CCSER1: variants seen among roughly 807,000 people sequenced by gnomAD.
CCSER1 encodes coiled-coil serine rich protein 1, also known as serine-rich coiled-coil domain-containing protein 1.
CCSER1 carries 41 observed loss-of-function variants against 82.0 expected under a neutral mutation model. The ratio of observed to expected loss-of-function variants is 0.50; its 90% CI spans 0.39 to 0.65. The LOEUF (loss-of-function observed/expected upper bound fraction) is 0.65, where lower values mean the gene tolerates loss of function less well. Among genes scored for constraint, CCSER1 ranks in the 30% least tolerant of loss-of-function variants. The pLI, the probability that CCSER1 is intolerant of heterozygous loss-of-function variation, is 0.00. For missense variants in CCSER1, 1,119 were observed against 1,064.2 expected, an observed-to-expected ratio of 1.05 and a Z score of -0.72; for synonymous variants, 414 against 383.9, an observed-to-expected ratio of 1.08 and a Z score of -0.92.
chr4:90,934,150 C>T (rs913358593), intron 9 of CCSER1, among the ~76,000 whole-genome samples: 14 of 151,840 alleles, frequency 9.2e-5, no homozygotes, highest in South Asian at 2.1e-4. Context: ...CAATAGGAGG[C>T]TATTTGATAA....
intron 6 of CCSER1, among the ~76,000 whole-genome samples, chr4:90,722,848 G>A (rs908648492): frequency 1.3e-5 from 2 of 151,894 alleles, no homozygotes; most frequent in African/African-American, 2.4e-5. Flanking sequence ...TGAATACAGT[G>A]AATTGAAAAT....
chr4:90,436,649 G>A (rs577207934), intron 4 of CCSER1, among the ~76,000 whole-genome samples: 3 of 152,060 alleles, frequency 2.0e-5, no homozygotes, highest in African/African-American at 7.2e-5. Flanking sequence ...AGTCTACTAT[G>A]TTTATATCAC....
At chr4:91,257,472 TAC>T (rs34423543) in intron 10 of CCSER1, among the ~76,000 whole-genome samples, 38,084 of 148,824 alleles carry the variant, frequency 0.26, 4,834 homozygotes, top group South Asian at 0.37. Flanking sequence ...AATACATACC[TAC>T]ACACACACAC....
intron 10 of CCSER1, among the ~76,000 whole-genome samples, chr4:91,120,147 C>G (rs1185744905): frequency 6.6e-6 from 1 of 151,862 alleles, no homozygotes; most frequent in African/African-American, 2.4e-5. Flanking sequence ...TTGTATATCT[C>G]ATTTAAGAGT....
intron 6 of CCSER1, among the ~76,000 whole-genome samples, chr4:90,686,563 C>T (rs911562573): frequency 7.9e-5 from 12 of 152,124 alleles, no homozygotes; most frequent in Middle Eastern, 3.4e-3. Context: ...AGCCCAAAAC[C>T]TCTTCAGGCA....
intron 3 of CCSER1, among the ~76,000 whole-genome samples, chr4:90,336,107 C>G (rs903740874): frequency 6.6e-6 from 1 of 152,098 alleles, no homozygotes; most frequent in Non-Finnish European, 1.5e-5. Flanking sequence ...GATAATTAAT[C>G]CTTTTTTTCT....
At chr4:91,260,731 C>T (rs917633897) in intron 10 of CCSER1, among the ~76,000 whole-genome samples, 4 of 151,712 alleles carry the variant, frequency 2.6e-5, no homozygotes, top group Admixed American at 6.6e-5. Context: ...GAACCACTTA[C>T]CTAGGAAGTT....
chr4:90,257,599 AAAG>A (rs1723573943), intron 1 of CCSER1, among the ~76,000 whole-genome samples: 1 of 152,210 alleles, frequency 6.6e-6, no homozygotes, highest in Non-Finnish European at 1.5e-5. Context: ...TTAGATAGAT[AAAG>A]AAGGAGAGAG....
intron 10 of CCSER1, among the ~76,000 whole-genome samples, chr4:91,350,064 G>A (rs1452687618): frequency 1.3e-5 from 2 of 152,120 alleles, no homozygotes; most frequent in Non-Finnish European, 2.9e-5. Flanking sequence ...TGGGAGTGAT[G>A]ATGCCCAAGG....
chr4:91,521,156 T>G (rs886448809), intron 10 of CCSER1, among the ~76,000 whole-genome samples: 1 of 152,204 alleles, frequency 6.6e-6, no homozygotes, highest in Admixed American at 6.5e-5. Flanking sequence ...GTCCTTGTGA[T>G]AGTTTGCTGA....
intron 1 of CCSER1, among the ~76,000 whole-genome samples, chr4:90,188,111 T>A (rs1344836761): frequency 3.9e-5 from 6 of 151,922 alleles, no homozygotes; most frequent in Non-Finnish European, 8.8e-5. Context: ...AACAATTCTT[T>A]AAATTCTGTT....
At chr4:90,198,433 C>T (rs1387107743) in intron 1 of CCSER1, among the ~76,000 whole-genome samples, 1 of 152,120 alleles carries the variant, frequency 6.6e-6, no homozygotes, top group East Asian at 1.9e-4. Flanking sequence ...ATCACAATAT[C>T]ACAGTATTTG....
intron 10 of CCSER1, among the ~76,000 whole-genome samples, chr4:91,238,619 C>CTTA (rs751492338): frequency 9.1e-4 from 139 of 151,980 alleles, no homozygotes; most frequent in Non-Finnish European, 1.4e-3. Context: ...TGTTGTTACT[C>CTTA]TTATTATTAT....
In CCSER1 at chr4:90,928,720, G is replaced by A. The variant is rs77218144; in HGVS notation, c.2172+5273G>A. Among the ~76,000 whole-genome samples, 945 of 152,114 alleles carry A rather than the reference G, an allele frequency of 6.2e-3. 4 individuals are homozygous for A. The highest frequency in any genetic ancestry group is 0.022 in the African/African-American group (895 of 41,514). On this transcript the variant is annotated intron_variant, in intron 9 of 10. Transcript: ENST00000509176. ...ACTTAAAGAAGGTGAGGTGAAAATC[G>A]TGTTTAATCAAAAATTCCTTTGTGA... is the stretch of plus-strand genomic sequence containing the variant.
At chr4:91,548,332 A>G (rs987228867) in intron 10 of CCSER1, among the ~76,000 whole-genome samples, 2 of 152,150 alleles carry the variant, frequency 1.3e-5, no homozygotes, top group Non-Finnish European at 2.9e-5. Flanking sequence ...TTTTATTTAT[A>G]CACGGTCATA....
In CCSER1 at chr4:91,215,202, T is replaced by A. The variant is rs569252067; in HGVS notation, c.2217+129208T>A. On this transcript the variant is annotated intron_variant, in intron 10 of 10. Coordinates refer to ENST00000509176, the MANE Select transcript of CCSER1 (RefSeq NM_001145065.2). ...TACCGATTTTCTAAAGTTATTGTTA[T>A]TCAGACACTTAAGAGTAAGACTACT... Among the ~76,000 whole-genome samples the A allele has an allele frequency of 3.3e-5, 5 of 152,322 alleles. No homozygotes were observed. In the South Asian group the frequency reaches 1.0e-3, roughly 32 times the overall value.
At chr4:90,183,936 A>G (rs1185011357) in intron 1 of CCSER1, among the ~76,000 whole-genome samples, 1 of 152,148 alleles carries the variant, frequency 6.6e-6, no homozygotes, top group Non-Finnish European at 1.5e-5. Context: ...ATAATACCAT[A>G]AAATTTTAGA....
intron 9 of CCSER1, among the ~76,000 whole-genome samples, chr4:90,930,612 CA>C (rs1222063842): frequency 7.0e-6 from 1 of 142,200 alleles, no homozygotes; most frequent in African/African-American, 2.6e-5. Context: ...GACTCTGTCT[CA>C]AAAAAAAGAA....
chr4:90,949,030 T>G (rs1242502358), intron 9 of CCSER1, among the ~76,000 whole-genome samples: 1 of 152,080 alleles, frequency 6.6e-6, no homozygotes, highest in Non-Finnish European at 1.5e-5. Context: ...ATAATGTATT[T>G]TACCACAATT....
Sources: allele counts gnomAD v4.1 joint callset (sites outside exome capture counted in the v4.1 genomes callset), GRCh38; gene constraint gnomAD v4.1.1; transcripts MANE v1.5; gene names NCBI Gene and HGNC (gene_info 2026-07-23, HGNC 2026-07-21).